CD247: variants seen among roughly 807,000 people sequenced by gnomAD.
The protein encoded by CD247 is CD247 molecule.
In CD247, 13 loss-of-function variants were observed where a neutral mutation model predicts 30.0. The ratio of observed to expected loss-of-function variants is 0.43; its 90% CI spans 0.28 to 0.69. CD247 has a LOEUF of 0.69. Among genes scored for constraint, CD247 ranks in the 30% least tolerant of loss-of-function variants. The probability of loss-of-function intolerance (pLI) is 0.16; values close to 1 mark genes in which losing one functional copy is unlikely to be tolerated. For missense variants in CD247, 193 were observed against 212.6 expected, an observed-to-expected ratio of 0.91 and a Z score of 0.57; for synonymous variants, 72 against 80.0, an observed-to-expected ratio of 0.90 and a Z score of 0.53.
intron 1 of CD247, among the ~76,000 whole-genome samples, chr1:167,476,322 AG>A (rs1362068787): frequency 6.6e-6 from 1 of 152,154 alleles, no homozygotes; most frequent in Non-Finnish European, 1.5e-5. Flanking sequence ...ACTCTCCCCA[AG>A]CCCTACCAAG....
intron 1 of CD247, among the ~76,000 whole-genome samples, chr1:167,454,867 C>A (rs1423104521): frequency 6.6e-6 from 1 of 152,254 alleles, no homozygotes; most frequent in Non-Finnish European, 1.5e-5. Context: ...CTGCCTCGCT[C>A]GCTGGTCGCC....
intron 1 of CD247, among the ~76,000 whole-genome samples, chr1:167,506,662 G>A (rs994898020): frequency 6.6e-6 from 1 of 151,944 alleles, no homozygotes; most frequent in South Asian, 2.1e-4. Context: ...GCCTAATCAC[G>A]ATATTGCCAC....
chr1:167,455,534 G>C (rs1420416510), intron 1 of CD247, among the ~76,000 whole-genome samples: 1 of 152,130 alleles, frequency 6.6e-6, no homozygotes, highest in Non-Finnish European at 1.5e-5. Context: ...CGGCTCCCGT[G>C]CGGTTACGGG....
At chr1:167,502,054 G>A (rs1261099528) in intron 1 of CD247, among the ~76,000 whole-genome samples, 1 of 152,234 alleles carries the variant, frequency 6.6e-6, no homozygotes, top group Non-Finnish European at 1.5e-5. Context: ...CCGGAGATAA[G>A]GAGGGGACAG....
chr1:167,497,731 A>G (rs1185955458), intron 1 of CD247, among the ~76,000 whole-genome samples: 1 of 152,196 alleles, frequency 6.6e-6, no homozygotes, highest in Non-Finnish European at 1.5e-5. Context: ...GAACAAACTC[A>G]GTACTCCCTC....
intron 1 of CD247, among the ~76,000 whole-genome samples, chr1:167,509,357 G>A (rs1571602004): frequency 4.6e-5 from 5 of 108,584 alleles, no homozygotes; most frequent in South Asian, 2.9e-4. Context: ...AGAGCGAAGC[G>A]AAACTCTGTC....
rs368899611 is a variant in CD247, at chr1:167,450,523, C to T, written c.59-9756G>A. 9.2e-5 allele frequency among the ~76,000 whole-genome samples: 14 copies of T among 152,142 alleles called. No individual in the cohort carries two copies. The East Asian group carries it at 1.9e-3, about 21-fold the overall frequency. Reference sequence around the variant, plus strand: ...AAAAATAAGTGAATAAATAATAATACTTTGAAAAATGAAAGCTAAGACTAA... The same window carrying T: ...AAAAATAAGTGAATAAATAATAATATTTTGAAAAATGAAAGCTAAGACTAA... On this transcript the variant is annotated intron_variant, in intron 1 of 7. Coordinates refer to ENST00000362089, the MANE Select transcript of CD247 (RefSeq NM_198053.3).
At chr1:167,451,554 A>C (rs994868007) in intron 1 of CD247, among the ~76,000 whole-genome samples, 5 of 152,142 alleles carry the variant, frequency 3.3e-5, no homozygotes, top group Non-Finnish European at 7.3e-5. Context: ...TAAACCACCC[A>C]GAAAGTGGTT....
intron 1 of CD247, among the ~76,000 whole-genome samples, chr1:167,462,304 C>T (rs770364581): frequency 3.9e-5 from 6 of 152,246 alleles, no homozygotes; most frequent in Non-Finnish European, 7.3e-5. Flanking sequence ...CAAAATGTCA[C>T]TGGGGCCCTG....
At chr1:167,472,116 G>A (rs1049677987) in intron 1 of CD247, among the ~76,000 whole-genome samples, 1 of 152,160 alleles carries the variant, frequency 6.6e-6, no homozygotes, top group African/African-American at 2.4e-5. Context: ...TTACAGGCAT[G>A]AGCCACTGTG....
rs116572207 is a variant in CD247 at position 167,516,088 on chromosome 1, A to G, written c.58+2320T>C. Among the ~76,000 whole-genome samples the G allele has an allele frequency of 8.1e-3, 1,229 of 152,360 alleles. 10 individuals carry two copies. The highest frequency in any genetic ancestry group is 0.017 in the Middle Eastern group (5 of 294). On this transcript the variant is annotated intron_variant, in intron 1 of 7. Coordinates refer to ENST00000362089, the MANE Select transcript of CD247 (RefSeq NM_198053.3). ...TAGCCTGGCTCTTTCTACCACGTCC[A>G]GCCACCTTCCTAAAAGCAGAGCCAC...
chr1:167,498,217 G>A (rs1654774494), intron 1 of CD247, among the ~76,000 whole-genome samples: 1 of 152,214 alleles, frequency 6.6e-6, no homozygotes, highest in South Asian at 2.1e-4. Flanking sequence ...GCAGCTCACA[G>A]ACTTCGGTTG....
chr1:167,448,541 A>G (rs905800499), intron 1 of CD247: 14 of 985,314 alleles, frequency 1.4e-5, no homozygotes, highest in Non-Finnish European at 1.7e-5. Context: ...GCCAGGACTC[A>G]CACTGCCCAG....
intron 1 of CD247, among the ~76,000 whole-genome samples, chr1:167,482,771 A>G (rs1462474431): frequency 3.3e-5 from 5 of 152,250 alleles, no homozygotes; most frequent in South Asian, 2.1e-4. Context: ...GGCTGCCCGT[A>G]CCCTGGGAAG....
chr1:167,436,967 C>T (rs1244688986), intron 4 of CD247, among the ~76,000 whole-genome samples: 6 of 152,162 alleles, frequency 3.9e-5, no homozygotes, highest in Admixed American at 1.3e-4. Flanking sequence ...CCAACAATCC[C>T]GCTTCTGGGT....
intron 1 of CD247, among the ~76,000 whole-genome samples, chr1:167,488,484 T>C (rs1654307234): frequency 6.6e-6 from 1 of 152,154 alleles, no homozygotes; most frequent in East Asian, 1.9e-4. Flanking sequence ...GGATTCTGGC[T>C]AAACCAACCT....
Position 167,440,683 on chromosome 1 carries a change from G to A in CD247, c.143C>T (p.Ala48Val), listed in dbSNP as rs1192231543. The A allele has an allele frequency of 6.2e-7, 1 of 1,612,542 alleles. No individual in the cohort carries two copies. The highest frequency in any genetic ancestry group is 8.5e-7 in the Non-Finnish European group (1 of 1,178,702). Residue 48 changes from alanine to valine, a missense_variant, in exon 2 of 8, where the codon GCC becomes GTC. Ala to Val is a moderately conservative substitution (Grantham distance 64). Coordinates refer to ENST00000362089, the MANE Select transcript of CD247 (RefSeq NM_198053.3). ...ACCCACCTTCACTCTCAGGAACAAG[G>A]CAGTGAGAATGACACCATAGATGAA... is the stretch of plus-strand genomic sequence containing the variant. Reference protein sequence around the residue: ...ILFIYGVILTALFLRVKFSRS... With the variant: ...ILFIYGVILTVLFLRVKFSRS...
intron 7 of CD247, among the ~76,000 whole-genome samples, chr1:167,432,444 G>A (rs1651316512): frequency 6.6e-6 from 1 of 152,234 alleles, no homozygotes; most frequent in Non-Finnish European, 1.5e-5. Flanking sequence ...AACGAGCTAT[G>A]AACAGCCCAT....
intron 5 of CD247, 67 bp from the exon 6 acceptor site, chr1:167,434,143 A>C: frequency 6.9e-7 from 1 of 1,451,984 alleles, no homozygotes; most frequent in Non-Finnish European, 9.7e-7. Context: ...TTCCCCTACA[A>C]CAGGAAGCTT....
Sources: gnomAD v4.1 joint callset for allele counts (sites outside exome capture counted in the v4.1 genomes callset) on GRCh38, gnomAD v4.1.1 for gene constraint, MANE v1.5 for transcripts, NCBI Gene and HGNC (gene_info 2026-07-23, HGNC 2026-07-21) for gene names.